Variants in DCDC1 observed in about 807,000 individuals in gnomAD.
DCDC1 encodes the protein doublecortin domain-containing protein 1.
A neutral mutation model predicts 178.3 loss-of-function variants in DCDC1; 200 were observed. That is an observed-to-expected ratio of 1.12 (90% confidence interval 1.00 to 1.26). The LOEUF (loss-of-function observed/expected upper bound fraction) is 1.26. Among genes scored for constraint, DCDC1 ranks in the 50% most tolerant of loss-of-function variants. The pLI is 0.00. For synonymous variants in DCDC1, 690 were observed against 604.8 expected, an observed-to-expected ratio of 1.14 and a Z score of -2.07; for missense variants, 1,983 against 1,749.2, an observed-to-expected ratio of 1.13 and a Z score of -2.38.
At chr11:31,354,940 T>A (rs1223946879) in intron 1 of DCDC1, among the ~76,000 whole-genome samples, 1 of 152,040 alleles carries the variant, frequency 6.6e-6, no homozygotes, top group Admixed American at 6.5e-5. Context: ...ACTTTTGACC[T>A]TTTTTTCCCT....
chr11:31,231,422 G>C (rs1296090554), intron 9 of DCDC1, among the ~76,000 whole-genome samples: 5 of 152,130 alleles, frequency 3.3e-5, no homozygotes, highest in Admixed American at 3.3e-4. Flanking sequence ...AAGGTGATAT[G>C]CCAGAATAGA....
intron 20 of DCDC1, among the ~76,000 whole-genome samples, chr11:31,011,510 T>C (rs1188543036): frequency 5.3e-5 from 8 of 152,336 alleles, no homozygotes; most frequent in Non-Finnish European, 1.5e-5. Context: ...TGTGAAAAGA[T>C]GCTCTGCTTC....
chr11:31,093,096 AC>A (rs1957916095), intron 16 of DCDC1, among the ~76,000 whole-genome samples: 1 of 152,238 alleles, frequency 6.6e-6, no homozygotes, highest in South Asian at 2.1e-4. Context: ...TAAATCAGAA[AC>A]AAAATACCAT....
At position 31,180,646 on chromosome 11, in the gene DCDC1, T is replaced by C. The variant is rs780255748; in HGVS notation, c.1222-42862A>G. 1.6e-4 allele frequency among the ~76,000 whole-genome samples: 25 copies of C among 152,142 alleles called. 1 individual carries two copies. Among genetic ancestry groups the C allele is most frequent in the Non-Finnish European group, 7.4e-5 (5 of 68,014 alleles). ...CAAGGGAAGCCTTGAGAGACTGTGC[T>C]GTGAGGAATGGTGCACTCCAGCCCA... On this transcript the variant is annotated intron_variant, in intron 9 of 38. Transcript: ENST00000684477.
intron 17 of DCDC1, among the ~76,000 whole-genome samples, chr11:31,089,561 C>T (rs1437300942): frequency 6.6e-6 from 1 of 151,336 alleles, no homozygotes. Flanking sequence ...ACTATAAATA[C>T]TCAGAAATTG....
At chr11:30,991,538 C>A (rs1034095460) in intron 20 of DCDC1, among the ~76,000 whole-genome samples, 4 of 152,048 alleles carry the variant, frequency 2.6e-5, no homozygotes, top group African/African-American at 9.7e-5. Flanking sequence ...AAACTTTAAA[C>A]TAGATGTTTA....
chr11:30,881,339 T>A (rs1233945412), intron 36 of DCDC1, 31 bp from the exon 37 acceptor site: 1 of 1,608,694 alleles, frequency 6.2e-7, no homozygotes, highest in African/African-American at 1.3e-5. Flanking sequence ...CACATTTGAA[T>A]ACGGAATGGC....
chr11:31,025,291 G>A (rs1953147746), intron 20 of DCDC1, among the ~76,000 whole-genome samples: 1 of 151,554 alleles, frequency 6.6e-6, no homozygotes, highest in Non-Finnish European at 1.5e-5. Flanking sequence ...CATCTGCTGA[G>A]AAAAAGAGAG....
At chr11:30,925,497 C>T in intron 22 of DCDC1, 89 bp from the exon 23 acceptor site, 1 of 1,134,344 alleles carries the variant, frequency 8.8e-7, no homozygotes. Flanking sequence ...GGCCTGAATC[C>T]ATAATGACAA....
chr11:30,953,741 C>G (rs1948574302), intron 20 of DCDC1, among the ~76,000 whole-genome samples: 3 of 152,018 alleles, frequency 2.0e-5, no homozygotes, highest in African/African-American at 7.2e-5. Flanking sequence ...GGTTTATAAA[C>G]TCAAAAGATT....
intron 20 of DCDC1, among the ~76,000 whole-genome samples, chr11:30,955,804 C>A (rs1948741830): frequency 6.6e-6 from 1 of 152,172 alleles, no homozygotes; most frequent in Non-Finnish European, 1.5e-5. Context: ...TTGCCCTCAA[C>A]CCATTGCCCC....
In DCDC1 at chr11:30,900,339, A is replaced by C. The variant is rs1944567260; in HGVS notation, c.4663+7T>G. The C allele has an allele frequency of 2.0e-6, 3 of 1,508,386 alleles. No homozygotes were observed. The highest frequency in any genetic ancestry group is 1.8e-6 in the Non-Finnish European group (2 of 1,129,092). 93.4% of individuals were successfully genotyped at this position (1,508,386 alleles called of 1,614,324 possible). A position where few individuals can be genotyped will look rare whatever the true frequency, so the allele number is the denominator to read the frequency against. On this transcript the variant is annotated splice_region_variant and intron_variant, in intron 33 of 38. Transcript: ENST00000684477. Reference sequence around the variant, plus strand: ...TGCTTGAAAGAAAGCAAAAACAAAAAAGTTACCATTTGGAGGTAGAAATGG... The same window carrying C: ...TGCTTGAAAGAAAGCAAAAACAAAACAGTTACCATTTGGAGGTAGAAATGG...
chr11:31,216,416 C>T (rs921904355), intron 9 of DCDC1, among the ~76,000 whole-genome samples: 3 of 152,104 alleles, frequency 2.0e-5, no homozygotes, highest in Non-Finnish European at 4.4e-5. Flanking sequence ...AGATACTACT[C>T]TGCACTCTTG....
chr11:30,955,340 A>G (rs1482555405), intron 20 of DCDC1, among the ~76,000 whole-genome samples: 3 of 152,154 alleles, frequency 2.0e-5, no homozygotes, highest in Non-Finnish European at 4.4e-5. Flanking sequence ...CATTTATATC[A>G]GTTCTCCTAT....
At chr11:31,082,469 G>C (rs1417925574) in intron 17 of DCDC1, among the ~76,000 whole-genome samples, 1 of 151,994 alleles carries the variant, frequency 6.6e-6, no homozygotes, top group East Asian at 1.9e-4. Context: ...GCCCTGGGAA[G>C]CTTGCTAAGT....
At chr11:30,963,934 A>G (rs896353781) in intron 20 of DCDC1, among the ~76,000 whole-genome samples, 9 of 152,072 alleles carry the variant, frequency 5.9e-5, no homozygotes, top group Admixed American at 5.9e-4. Flanking sequence ...CCATTAAGTC[A>G]TATCCTTCCT....
chr11:31,131,668 A>G (rs1962457451), intron 10 of DCDC1, among the ~76,000 whole-genome samples: 1 of 152,194 alleles, frequency 6.6e-6, no homozygotes, highest in African/African-American at 2.4e-5. Flanking sequence ...GAAGGACTCC[A>G]TTTCCGAAAA....
Position 30,892,981 on chromosome 11 carries a change from A to T in DCDC1, c.4919T>A (p.Ile1640Asn), listed in dbSNP as rs770437666. ...ATTTATTTTGGATTCCATTTCTTGGATTTCAGAAAGGTGTGCCTGTCAAGA... is the reference window on the plus strand; with the variant it reads ...ATTTATTTTGGATTCCATTTCTTGGTTTTCAGAAAGGTGTGCCTGTCAAGA... ...IRHTEAHLSE[I>N]QEMESKINFP... Residue 1640 changes from isoleucine to asparagine, a missense_variant, in exon 36 of 39, where the codon ATC becomes AAC. Transcript: ENST00000684477. 1.1e-5 allele frequency: 18 copies of T among 1,613,676 alleles called. No individual in the cohort carries two copies. In the East Asian group the frequency reaches 4.0e-4, roughly 36 times the overall value.
intron 38 of DCDC1, among the ~76,000 whole-genome samples, chr11:30,877,548 T>C (rs886180221): frequency 1.3e-5 from 2 of 152,172 alleles, no homozygotes; most frequent in African/African-American, 4.8e-5. Flanking sequence ...ATTTTTCTTT[T>C]AAATAGTGCA....
Sources: allele counts gnomAD v4.1 joint callset (sites outside exome capture counted in the v4.1 genomes callset), GRCh38; gene constraint gnomAD v4.1.1; transcripts MANE v1.5; gene names NCBI Gene and HGNC (gene_info 2026-07-23, HGNC 2026-07-21).